ENPEP: variants seen among roughly 807,000 people sequenced by gnomAD.
ENPEP encodes AP-A.
ENPEP carries 103 observed loss-of-function variants against 114.5 expected under a neutral mutation model. The observed-to-expected ratio is 0.90, with a 90% confidence interval of 0.77 to 1.06. The LOEUF is 1.06. Among genes scored for constraint, ENPEP ranks in the 50% least tolerant of loss-of-function variants. The probability of loss-of-function intolerance (pLI) is 0.00; values close to 1 mark genes in which losing one functional copy is unlikely to be tolerated. For synonymous variants in ENPEP, 420 were observed against 422.0 expected (o/e 1.00, Z 0.06); for missense variants, 1,196 against 1,161.3 (o/e 1.03, Z -0.43).
chr4:110,534,598 C>T (rs150513318), intron 11 of ENPEP, among the ~76,000 whole-genome samples: 1 of 150,072 alleles, frequency 6.7e-6, no homozygotes, highest in Non-Finnish European at 1.5e-5. Context: ...ACGTCCGCCC[C>T]CTGGGTTCAA....
At chr4:110,554,707 A>G (rs1030077113) in intron 18 of ENPEP, among the ~76,000 whole-genome samples, 2 of 152,110 alleles carry the variant, frequency 1.3e-5, no homozygotes, top group African/African-American at 4.8e-5. Flanking sequence ...TTTGAAAAAT[A>G]TATGGCTAGT....
chr4:110,488,763 G>T, intron 2 of ENPEP, 81 bp downstream of exon 2: 1 of 1,504,736 alleles, frequency 6.6e-7, no homozygotes, highest in African/African-American at 1.4e-5. Flanking sequence ...CTGTGAAAGA[G>T]AACCCATTGA....
intron 19 of ENPEP, among the ~76,000 whole-genome samples, chr4:110,560,424 T>A (rs1578423775): frequency 1.3e-5 from 2 of 152,226 alleles, no homozygotes; most frequent in Admixed American, 6.5e-5. Context: ...AAATTGTATA[T>A]ATTTAAGGTG....
chr4:110,483,840 A>C (rs1724403912), intron 1 of ENPEP, among the ~76,000 whole-genome samples: 3 of 152,186 alleles, frequency 2.0e-5, no homozygotes, highest in African/African-American at 7.2e-5. Flanking sequence ...ATCTTCCCAA[A>C]GAAGTTGTGA....
chr4:110,516,710 G>C (rs1725784357), intron 8 of ENPEP, among the ~76,000 whole-genome samples: 1 of 152,170 alleles, frequency 6.6e-6, no homozygotes, highest in Non-Finnish European at 1.5e-5. Context: ...CTACCCAATA[G>C]TGAAACATCT....
chr4:110,543,088 A>G lies in ENPEP; in HGVS notation c.2000+18A>G. ...TTGGCAAGGTGCGTTTTAGAATGAGACTAAATTACTTAAAATACTGTGGGT... is the reference window on the plus strand; with the variant it reads ...TTGGCAAGGTGCGTTTTAGAATGAGGCTAAATTACTTAAAATACTGTGGGT... On this transcript the variant is annotated intron_variant, in intron 13 of 19. Transcript: ENST00000265162. 1 of 1,602,222 alleles carries G rather than the reference A, an allele frequency of 6.2e-7. No homozygotes were observed. The highest frequency in any genetic ancestry group is 8.5e-7 in the Non-Finnish European group (1 of 1,169,822).
chr4:110,476,962 A>T lies in ENPEP; in HGVS notation c.548A>T (p.Asp183Val), dbSNP rs755206909. The T allele has an allele frequency of 1.9e-6, 3 of 1,614,066 alleles. No individual in the cohort carries two copies. The highest frequency in any genetic ancestry group is 2.2e-5 in the South Asian group (2 of 91,086). The change falls in exon 1 of 20, where the codon GAT (aspartate) becomes GTT (valine). Residue 183 changes from aspartate to valine, a missense_variant. Transcript: ENST00000265162. ...GAAGAGCTTACCCCCAGCAGTGGAG[A>T]TGGCCTGTATCTCCTGACCATGGAG... ...AEEELTPSSG[D>V]GLYLLTMEFA...
intron 3 of ENPEP, among the ~76,000 whole-genome samples, chr4:110,496,543 C>G (rs1337513733): frequency 2.0e-5 from 3 of 152,188 alleles, no homozygotes; most frequent in African/African-American, 7.2e-5. Context: ...AGTTTTTTCA[C>G]TAATGTGCCT....
Position 110,476,813 on chromosome 4 carries a change from G to C in ENPEP, c.399G>C (p.Trp133Cys), listed in dbSNP as rs779101906. ...INLSAPTRYLWLHLRETRITR... is the reference protein window; with the variant it reads ...INLSAPTRYLCLHLRETRITR... ...TGAGCGCTCCCACCCGGTACCTGTG[G>C]CTGCACCTCCGGGAGACCAGGATCA... The change falls in exon 1 of 20, where the codon TGG becomes TGC. Residue 133 changes from tryptophan (W) to cysteine (C), a missense_variant. Coordinates refer to ENST00000265162, the MANE Select transcript of ENPEP (RefSeq NM_001977.4). 2 of 1,614,148 alleles carry C rather than the reference G, an allele frequency of 1.2e-6. No homozygotes were observed. Among genetic ancestry groups the C allele is most frequent in the South Asian group, 1.1e-5 (1 of 91,080 alleles).
At chr4:110,508,665 G>A (rs1359377772) in intron 4 of ENPEP, among the ~76,000 whole-genome samples, 2 of 152,134 alleles carry the variant, frequency 1.3e-5, no homozygotes, top group Non-Finnish European at 2.9e-5. Context: ...CAAAAAATTA[G>A]CCAGGCGCGG....
chr4:110,548,804 C>T (rs1226688777), intron 14 of ENPEP, among the ~76,000 whole-genome samples: 1 of 152,000 alleles, frequency 6.6e-6, no homozygotes, highest in Non-Finnish European at 1.5e-5. Flanking sequence ...AAGTAGGACA[C>T]TTGTAATTTT....
intron 10 of ENPEP, among the ~76,000 whole-genome samples, chr4:110,527,272 G>A (rs1217120128): frequency 6.6e-6 from 1 of 152,160 alleles, no homozygotes; most frequent in East Asian, 1.9e-4. Flanking sequence ...TACTCAACTC[G>A]TTGAGGCTCA....
intron 10 of ENPEP, among the ~76,000 whole-genome samples, chr4:110,526,291 A>C (rs897696493): frequency 1.0e-4 from 15 of 150,712 alleles, no homozygotes; most frequent in African/African-American, 2.9e-4. Context: ...AACAGAACAA[A>C]CCCCCCGCCC....
chr4:110,538,379 A>G (rs1342505651), intron 11 of ENPEP, among the ~76,000 whole-genome samples: 2 of 152,172 alleles, frequency 1.3e-5, no homozygotes, highest in African/African-American at 2.4e-5. Context: ...CTTTCCTTAA[A>G]CCTCAAGAAC....
Position 110,506,828 on chromosome 4 carries a change from C to G in ENPEP, c.1039+71C>G. ...TTTTATCTAAGTTAACTCATTTCTTCTAATTATGTCACCATCAGTTAACAG... is the reference window on the plus strand; with the variant it reads ...TTTTATCTAAGTTAACTCATTTCTTGTAATTATGTCACCATCAGTTAACAG... On this transcript the variant is annotated intron_variant, in intron 4 of 19. Coordinates refer to ENST00000265162, the MANE Select transcript of ENPEP (RefSeq NM_001977.4). 5.8e-6 allele frequency: 7 copies of G among 1,217,284 alleles called. No individual in the cohort carries two copies. In the South Asian group the frequency reaches 1.1e-4, roughly 19 times the overall value. 75.4% of individuals were successfully genotyped at this position (1,217,284 alleles called of 1,614,324 possible).
At position 110,549,762 on chromosome 4, in the gene ENPEP, AAC is replaced by A; in HGVS notation, c.2378_2379del (p.Asn793IlefsTer4). 6.2e-7 allele frequency: 1 copy of A among 1,613,386 alleles called. No homozygotes were observed. Among genetic ancestry groups the A allele is most frequent in the Non-Finnish European group, 8.5e-7 (1 of 1,179,584 alleles). ...RLLVYRYGMQ[N>X]SGNEISWNYT... ...TCTGGTGTATCGGTATGGGATGCAG[AAC>A]TCTGGCAATGAGATTTCATGGAACT... On this transcript the variant is annotated frameshift_variant, in exon 17 of 20. Transcript: ENST00000265162. LOFTEE classifies it high-confidence loss of function.
chr4:110,512,072 C>G (rs1725597923), intron 6 of ENPEP, among the ~76,000 whole-genome samples: 1 of 152,014 alleles, frequency 6.6e-6, no homozygotes, highest in South Asian at 2.1e-4. Context: ...CCCATTCATT[C>G]ATTCTTCATT....
At chr4:110,541,938 T>C (rs1427008107) in intron 11 of ENPEP, among the ~76,000 whole-genome samples, 1 of 152,142 alleles carries the variant, frequency 6.6e-6, no homozygotes, top group Non-Finnish European at 1.5e-5. Context: ...AGTACATATC[T>C]TTTACCTAAA....
intron 3 of ENPEP, among the ~76,000 whole-genome samples, chr4:110,491,718 C>CT (rs970695793): frequency 0.022 from 1,446 of 66,012 alleles, 22 homozygotes; most frequent in Non-Finnish European, 0.031. Flanking sequence ...TTCTTTCTTT[C>CT]TTTTTTTTTT....
Sources: gnomAD v4.1 joint callset for allele counts (sites outside exome capture counted in the v4.1 genomes callset) on GRCh38, gnomAD v4.1.1 for gene constraint, MANE v1.5 for transcripts, NCBI Gene and HGNC (gene_info 2026-07-23, HGNC 2026-07-21) for gene names.